Variants in HLCS observed in about 807,000 individuals in gnomAD.
HLCS encodes holocarboxylase synthetase.
A neutral mutation model predicts 75.0 loss-of-function variants in HLCS; 53 were observed. The observed-to-expected ratio is 0.71, with a 90% CI of 0.57 to 0.89. The LOEUF (loss-of-function observed/expected upper bound fraction) is 0.89, where lower values mean the gene tolerates loss of function less well. Among genes scored for constraint, HLCS ranks in the 40% least tolerant of loss-of-function variants. The pLI is 0.00. For synonymous variants in HLCS, 431 were observed against 428.6 expected, an observed-to-expected ratio of 1.01 and a Z score of -0.07; for missense variants, 966 against 1,074.0, an observed-to-expected ratio of 0.90 and a Z score of 1.41.
chr21:36,864,268 C>T (rs1027425228), intron 6 of HLCS, among the ~76,000 whole-genome samples: 1 of 151,972 alleles, frequency 6.6e-6, no homozygotes, highest in African/African-American at 2.4e-5. Context: ...GGCATGGTGG[C>T]GTGTGCCTGT....
chr21:36,934,084 G>A (rs902682836), intron 4 of HLCS, among the ~76,000 whole-genome samples: 2 of 152,174 alleles, frequency 1.3e-5, no homozygotes, highest in African/African-American at 2.4e-5. Context: ...ATGGCACACC[G>A]GAGTGTGTGG....
intron 2 of HLCS, among the ~76,000 whole-genome samples, chr21:36,944,788 C>G (rs1000414829): frequency 1.3e-5 from 2 of 152,138 alleles, no homozygotes; most frequent in Non-Finnish European, 2.9e-5. Flanking sequence ...ACGTTCTTCA[C>G]GTAGTCACCA....
chr21:36,905,831 C>G (rs2065425500), intron 5 of HLCS, among the ~76,000 whole-genome samples: 1 of 152,068 alleles, frequency 6.6e-6, no homozygotes, highest in African/African-American at 2.4e-5. Context: ...GTGGGTGGAT[C>G]ACTTGAGGTC....
In HLCS at chr21:36,908,804, C is replaced by G. The variant is rs1008555621; in HGVS notation, c.1621-11673G>C. 4.6e-5 allele frequency among the ~76,000 whole-genome samples: 7 copies of G among 152,254 alleles called. No individual in the cohort carries two copies. The East Asian group carries it at 1.3e-3, about 29-fold the overall frequency. ...ACACTATATGATTCCACTTAGATGA[C>G]GTTTCAGAAAAGGCCAATCTAATCA... is the stretch of plus-strand genomic sequence containing the variant. On this transcript the variant is annotated intron_variant, in intron 5 of 10. Transcript: ENST00000674895.
At chr21:36,881,836 C>T (rs1370615977) in intron 6 of HLCS, among the ~76,000 whole-genome samples, 1 of 152,102 alleles carries the variant, frequency 6.6e-6, no homozygotes, top group Admixed American at 6.5e-5. Context: ...GGCTCTGCAC[C>T]ATTTTACTTG....
chr21:36,796,742 C>G (rs2061037375), intron 6 of HLCS, among the ~76,000 whole-genome samples: 2 of 152,128 alleles, frequency 1.3e-5, no homozygotes, highest in African/African-American at 4.8e-5. Context: ...ATGTGGGGGA[C>G]CCATGTTTAT....
intron 6 of HLCS, among the ~76,000 whole-genome samples, chr21:36,834,797 G>A (rs969365465): frequency 2.6e-5 from 4 of 152,144 alleles, no homozygotes; most frequent in Admixed American, 1.3e-4. Flanking sequence ...CTCGTGATCC[G>A]CCTGCCTCGG....
At chr21:36,905,299 T>C (rs1416504804) in intron 5 of HLCS, among the ~76,000 whole-genome samples, 7 of 152,088 alleles carry the variant, frequency 4.6e-5, no homozygotes, top group African/African-American at 1.4e-4. Context: ...AACAGATAGA[T>C]AGGTAATCAA....
At chr21:36,949,686 C>T (rs1360025580) in intron 2 of HLCS, among the ~76,000 whole-genome samples, 1 of 152,208 alleles carries the variant, frequency 6.6e-6, no homozygotes, top group Non-Finnish European at 1.5e-5. Context: ...TAGTCTTCCC[C>T]TTCTGCATGA....
At chr21:36,840,725 G>A (rs769685585) in intron 6 of HLCS, among the ~76,000 whole-genome samples, 17 of 152,024 alleles carry the variant, frequency 1.1e-4, no homozygotes, top group South Asian at 1.0e-3. Flanking sequence ...AGATTCTGCC[G>A]CCTCAGCCTC....
chr21:36,841,426 G>C (rs991121425), intron 6 of HLCS, among the ~76,000 whole-genome samples: 1 of 152,170 alleles, frequency 6.6e-6, no homozygotes, highest in South Asian at 2.1e-4. Context: ...AGAGTAAAAT[G>C]CTATGGTCAT....
At chr21:36,900,785 T>C (rs1193047538) in intron 5 of HLCS, among the ~76,000 whole-genome samples, 1 of 152,030 alleles carries the variant, frequency 6.6e-6, no homozygotes, top group African/African-American at 2.4e-5. Context: ...GGCTACAAGA[T>C]TTGCTAACAA....
chr21:36,795,591 C>T (rs552749997), intron 6 of HLCS, among the ~76,000 whole-genome samples: 8 of 152,316 alleles, frequency 5.3e-5, no homozygotes, highest in South Asian at 2.1e-4. Context: ...GCCATGACTC[C>T]TTTACAGCTC....
intron 6 of HLCS, among the ~76,000 whole-genome samples, chr21:36,877,228 T>C (rs1477245797): frequency 6.6e-6 from 1 of 152,246 alleles, no homozygotes; most frequent in Admixed American, 6.5e-5. Flanking sequence ...CAGGGCTTAG[T>C]CTATTATCAT....
At chr21:36,987,495 C>T (rs1207753046) in intron 1 of HLCS, among the ~76,000 whole-genome samples, 1 of 152,074 alleles carries the variant, frequency 6.6e-6, no homozygotes, top group Non-Finnish European at 1.5e-5. Flanking sequence ...TGCCTGTAAT[C>T]CCAGCTACTC....
At chr21:36,946,814 A>G (rs979595787) in intron 2 of HLCS, among the ~76,000 whole-genome samples, 3 of 152,178 alleles carry the variant, frequency 2.0e-5, no homozygotes, top group African/African-American at 7.2e-5. Context: ...GCAGACACAC[A>G]GCCAAGGGAA....
intron 5 of HLCS, among the ~76,000 whole-genome samples, chr21:36,899,710 C>T (rs1307803457): frequency 2.6e-5 from 4 of 152,170 alleles, no homozygotes; most frequent in African/African-American, 9.7e-5. Flanking sequence ...GGGATATCTC[C>T]CATATGGCAG....
intron 6 of HLCS, among the ~76,000 whole-genome samples, chr21:36,834,587 C>T (rs1194596864): frequency 6.6e-6 from 1 of 152,096 alleles, no homozygotes; most frequent in African/African-American, 2.4e-5. Context: ...GACGGAGTCT[C>T]ACTCTGTCGC....
At position 36,756,623 on chromosome 21, in the gene HLCS, A is replaced by G; in HGVS notation, c.2369T>C (p.Val790Ala). ...ADYLIARVVTVLEKLIKEFQD... is the reference protein window; with the variant it reads ...ADYLIARVVTALEKLIKEFQD... ...AAACTCTTTGATCAGTTTCTCCAGC[A>G]CAGTCACGACTCTGGCGATGAGATA... The change falls in exon 10 of 11, where the codon GTG becomes GCG. Residue 790 changes from valine (V) to alanine (A), a missense_variant. Transcript: ENST00000674895. The G allele has an allele frequency of 6.2e-7, 1 of 1,614,156 alleles. No individual in the cohort carries two copies. The highest frequency in any genetic ancestry group is 8.5e-7 in the Non-Finnish European group (1 of 1,180,026).
Sources: gnomAD v4.1 joint callset for allele counts (sites outside exome capture counted in the v4.1 genomes callset) on GRCh38, gnomAD v4.1.1 for gene constraint, MANE v1.5 for transcripts, NCBI Gene and HGNC (gene_info 2026-07-23, HGNC 2026-07-21) for gene names.